Variants in KANSL2 observed in about 807,000 individuals in gnomAD.
KANSL2 encodes the protein NSL complex protein NSL2.
Under a neutral mutation model 55.6 loss-of-function variants are expected in KANSL2, and 34 were observed. The observed-to-expected ratio is 0.61, with a 90% confidence interval of 0.46 to 0.81. KANSL2 has a LOEUF of 0.81. Among genes scored for constraint, KANSL2 ranks in the 40% least tolerant of loss-of-function variants. The pLI is 0.00. For missense variants in KANSL2, 502 were observed against 609.9 expected (o/e 0.82, Z 1.86); for synonymous variants, 209 against 214.3 (o/e 0.98, Z 0.22).
rs1034737529 is a variant in KANSL2 at position 48,681,352 on chromosome 12, A to AT, written c.251+29_251+30insA. On this transcript the variant is annotated intron_variant, in intron 2 of 9. Transcript: ENST00000420613. ...TATCACATACCCCCTCGCTTTAAGA[A>AT]AAACGACATATATATCTATACATAT... 3 of 1,569,042 alleles carry AT rather than the reference A, an allele frequency of 1.9e-6. No individual in the cohort carries two copies. In the African/African-American group the frequency reaches 4.1e-5, roughly 21 times the overall value.
chr12:48,681,424 T>C lies in KANSL2; in HGVS notation c.209A>G (p.Lys70Arg). The C allele has an allele frequency of 1.2e-6, 2 of 1,613,978 alleles. No homozygotes were observed. Among genetic ancestry groups the C allele is most frequent in the South Asian group, 1.1e-5 (1 of 91,084 alleles). The change falls in exon 2 of 10, where the codon AAA becomes AGA. Residue 70 changes from lysine to arginine, a missense_variant. By Grantham distance (26) the Lys-to-Arg change is conservative. Coordinates refer to ENST00000420613, the MANE Select transcript of KANSL2 (RefSeq NM_017822.4). ...CTTTGGGGCAGCATTGGGACATCTTTTTCCATTCTTCGTCGATATATAACT... is the reference window on the plus strand; with the variant it reads ...CTTTGGGGCAGCATTGGGACATCTTCTTCCATTCTTCGTCGATATATAACT... ...QCSYISTKNGKRCPNAAPKPE... is the reference protein window; with the variant it reads ...QCSYISTKNGRRCPNAAPKPE...
At chr12:48,679,602 G>C (rs1358175271) in intron 3 of KANSL2, 53 bp downstream of exon 3, 9 of 1,490,290 alleles carry the variant, frequency 6.0e-6, no homozygotes, top group Non-Finnish European at 8.3e-6. Flanking sequence ...ACCCAAAATA[G>C]TTCCCCCTTA....
intron 4 of KANSL2, 74 bp from the exon 5 acceptor site, chr12:48,672,036 G>A (rs1939723173): frequency 7.8e-7 from 1 of 1,275,470 alleles, no homozygotes; most frequent in East Asian, 2.4e-5. Context: ...GAGTAGAGAT[G>A]TCAGACTAAG....
In KANSL2 at chr12:48,671,824, A is replaced by G. The variant is rs1455621264; in HGVS notation, c.684T>C (p.Asn228=). ...LKEKKRRYLH[N]RKVEHEALGS... ...CTAGAGCTTCATGTTCCACTTTGCG[A>G]TTATGTAAGTATCGGCGCTTCTTCT... is the stretch of plus-strand genomic sequence containing the variant. The change falls in exon 5 of 10, where the codon AAT becomes AAC. Residue 228 remains asparagine, a synonymous_variant. Coordinates refer to ENST00000420613, the MANE Select transcript of KANSL2 (RefSeq NM_017822.4). The G allele has an allele frequency of 6.2e-7, 1 of 1,612,408 alleles. No individual in the cohort carries two copies. The highest frequency in any genetic ancestry group is 2.2e-5 in the East Asian group (1 of 44,844).
intron 7 of KANSL2, among the ~76,000 whole-genome samples, chr12:48,661,622 AT>A (rs891971210): frequency 1.3e-5 from 2 of 152,118 alleles, no homozygotes; most frequent in African/African-American, 4.8e-5. Context: ...TTTTATGGTA[AT>A]TTTTTTAAAT....
intron 5 of KANSL2, 99 bp from the exon 6 acceptor site, chr12:48,669,371 G>T: frequency 1.0e-6 from 1 of 957,304 alleles, no homozygotes; most frequent in Non-Finnish European, 1.5e-6. Context: ...GCATAAGATA[G>T]GCAGTTTCAA....
intron 6 of KANSL2, 148 bp downstream of exon 6, chr12:48,668,958 A>G (rs1939654196): frequency 5.8e-6 from 3 of 521,596 alleles, no homozygotes; most frequent in Non-Finnish European, 9.3e-6. Context: ...ATTGCTTGAA[A>G]CTGGGAGGCA....
intron 7 of KANSL2, among the ~76,000 whole-genome samples, chr12:48,665,879 G>A (rs1386073794): frequency 6.6e-6 from 1 of 152,160 alleles, no homozygotes; most frequent in Admixed American, 6.5e-5. Flanking sequence ...TTTAAAGTAT[G>A]CAAGTTAGAG....
intron 8 of KANSL2, among the ~76,000 whole-genome samples, chr12:48,656,446 T>C (rs1227944026): frequency 1.3e-5 from 2 of 151,798 alleles, no homozygotes; most frequent in African/African-American, 4.8e-5. Flanking sequence ...GCTAATTTTT[T>C]GTATTTTTAG....
rs1207730912 is a variant in KANSL2 at position 48,679,702 on chromosome 12, C to A, written c.383G>T (p.Gly128Val). The change falls in exon 3 of 10, where the codon GGG becomes GTG. Residue 128 changes from glycine (G) to valine (V), a missense_variant. Gly to Val is a moderately radical substitution (Grantham distance 109). Transcript: ENST00000420613. ...QLSSYAKTEL[G>V]SQTPESSRSE... ...GCGACTACTTTCTGGAGTCTGAGAC[C>A]CCAGCTCTGTCTTAGCATATGAGCT... is the stretch of plus-strand genomic sequence containing the variant. The A allele has an allele frequency of 6.2e-7, 1 of 1,613,418 alleles. No homozygotes were observed. The highest frequency in any genetic ancestry group is 1.1e-5 in the South Asian group (1 of 90,898).
Position 48,653,841 on chromosome 12 carries a change from C to CTT in KANSL2, c.*202_*203insAA. ...TCCCAGAAGCTTTGATAGGGATTAT[C>CTT]TCTCTTTCTCTTCCTTGCCCTGAGT... On this transcript the variant is annotated 3_prime_UTR_variant, in exon 10 of 10. Coordinates refer to ENST00000420613, the MANE Select transcript of KANSL2 (RefSeq NM_017822.4). The CTT allele has an allele frequency of 2.2e-6, 1 of 453,572 alleles. No individual in the cohort carries two copies. Among genetic ancestry groups the CTT allele is most frequent in the Non-Finnish European group, 3.8e-6 (1 of 260,232 alleles). 28.1% of individuals were successfully genotyped at this position (453,572 alleles called of 1,614,324 possible).
intron 4 of KANSL2, among the ~76,000 whole-genome samples, chr12:48,675,333 G>A (rs1939801048): frequency 6.6e-6 from 1 of 152,018 alleles, no homozygotes; most frequent in African/African-American, 2.4e-5. Flanking sequence ...TTGAACCCAG[G>A]AGGCAAAGGT....
At chr12:48,662,921 C>G (rs1048562883) in intron 7 of KANSL2, among the ~76,000 whole-genome samples, 1 of 152,122 alleles carries the variant, frequency 6.6e-6, no homozygotes, top group Admixed American at 6.5e-5. Context: ...GAAAAAAGGG[C>G]ATTCACAACC....
intron 2 of KANSL2, 61 bp downstream of exon 2, chr12:48,681,321 G>T: frequency 6.6e-7 from 1 of 1,524,664 alleles, no homozygotes; most frequent in Non-Finnish European, 8.8e-7. Context: ...GCTGAAGCCC[G>T]CATCATATCA....
intron 7 of KANSL2, among the ~76,000 whole-genome samples, chr12:48,666,245 C>G (rs935975046): frequency 6.6e-6 from 1 of 151,814 alleles, no homozygotes; most frequent in African/African-American, 2.4e-5. Context: ...TTTAAAGAGC[C>G]AAGTTTCTTT....
intron 7 of KANSL2, among the ~76,000 whole-genome samples, chr12:48,666,852 A>G (rs1397835071): frequency 2.0e-5 from 3 of 150,866 alleles, no homozygotes; most frequent in Admixed American, 6.6e-5. Flanking sequence ...TCCAGCCTGG[A>G]TAACAGTGTG....
rs1592106775 is a variant in KANSL2 at position 48,672,811 on chromosome 12, T to C, written c.546-849A>G. ...TCTTGCTCTGTCACCCAGGCTGGAGTGCAGTGGCACAACCTTGGCTCACTG... is the reference window on the plus strand; with the variant it reads ...TCTTGCTCTGTCACCCAGGCTGGAGCGCAGTGGCACAACCTTGGCTCACTG... On this transcript the variant is annotated intron_variant, in intron 4 of 9. Coordinates refer to ENST00000420613, the MANE Select transcript of KANSL2 (RefSeq NM_017822.4). Among the ~76,000 whole-genome samples, 4 of 151,984 alleles carry C rather than the reference T, an allele frequency of 2.6e-5. No homozygotes were observed. The South Asian group carries it at 8.3e-4, about 32-fold the overall frequency.
intron 4 of KANSL2, among the ~76,000 whole-genome samples, chr12:48,672,727 T>C (rs1257235337): frequency 6.6e-6 from 1 of 151,682 alleles, no homozygotes; most frequent in South Asian, 2.1e-4. Flanking sequence ...CACCTGGCAA[T>C]ATATTTTAAT....
intron 9 of KANSL2, 80 bp from the exon 10 acceptor site, chr12:48,654,255 A>G (rs942643286): frequency 7.3e-7 from 1 of 1,363,406 alleles, no homozygotes; most frequent in Non-Finnish European, 1.0e-6. Context: ...ATCAGTGGCC[A>G]CTTAAACTAG....
Sources: allele counts gnomAD v4.1 joint callset (sites outside exome capture counted in the v4.1 genomes callset), GRCh38; gene constraint gnomAD v4.1.1; transcripts MANE v1.5; gene names NCBI Gene and HGNC (gene_info 2026-07-23, HGNC 2026-07-21).